Variants in SPATA17 observed in about 807,000 individuals in gnomAD.
SPATA17 encodes spermatogenesis associated 17.
SPATA17 carries 53 observed loss-of-function variants against 62.2 expected under a neutral mutation model. The ratio of observed to expected loss-of-function variants is 0.85; its 90% CI spans 0.68 to 1.07. The LOEUF (loss-of-function observed/expected upper bound fraction) is 1.07. Ranked by LOEUF, SPATA17 falls within the 50% of genes least tolerant of loss-of-function variation. The pLI is 0.00. For missense variants in SPATA17, 466 were observed against 425.5 expected, an observed-to-expected ratio of 1.10 and a Z score of -0.84; for synonymous variants, 146 against 146.8, an observed-to-expected ratio of 0.99 and a Z score of 0.04.
intron 9 of SPATA17, among the ~76,000 whole-genome samples, chr1:217,808,138 A>C (rs1392400499): frequency 6.6e-6 from 1 of 152,166 alleles, no homozygotes; most frequent in Non-Finnish European, 1.5e-5. Context: ...AAATATGGGA[A>C]GATACATTCA....
chr1:217,746,846 ATATTAAAACACCTTTTGTATATGTT>A (rs1386921176), intron 6 of SPATA17, among the ~76,000 whole-genome samples: 1 of 152,052 alleles, frequency 6.6e-6, no homozygotes, highest in Non-Finnish European at 1.5e-5. Flanking sequence ...AGTTCAAGTC[ATATTAAAACACCTTTTGTATATGTT>A]TATTTCAATC....
At chr1:217,825,483 G>A (rs1214904777) in intron 9 of SPATA17, among the ~76,000 whole-genome samples, 6 of 151,756 alleles carry the variant, frequency 4.0e-5, no homozygotes, top group Non-Finnish European at 8.8e-5. Flanking sequence ...TTCTACACAT[G>A]AATTTGCCAC....
intron 9 of SPATA17, among the ~76,000 whole-genome samples, chr1:217,860,240 A>G (rs1414178672): frequency 1.3e-5 from 2 of 152,154 alleles, no homozygotes; most frequent in Non-Finnish European, 2.9e-5. Context: ...TTTCTAATTT[A>G]ATTCCACTGT....
At chr1:217,756,820 G>C (rs1435151515) in intron 6 of SPATA17, among the ~76,000 whole-genome samples, 1 of 152,146 alleles carries the variant, frequency 6.6e-6, no homozygotes, top group Non-Finnish European at 1.5e-5. Context: ...CATCTACTTA[G>C]TATTTTCATC....
At chr1:217,748,567 AC>A (rs879365339) in intron 6 of SPATA17, among the ~76,000 whole-genome samples, 2 of 151,542 alleles carry the variant, frequency 1.3e-5, no homozygotes, top group South Asian at 2.1e-4. Context: ...ACATGGTGAA[AC>A]CCCGTCTCTA....
intron 9 of SPATA17, among the ~76,000 whole-genome samples, chr1:217,841,467 A>G (rs1459501140): frequency 6.6e-6 from 1 of 151,994 alleles, no homozygotes; most frequent in Non-Finnish European, 1.5e-5. Flanking sequence ...TGCATGACAT[A>G]TATATTATTC....
chr1:217,855,727 C>CTTT (rs1227869263), intron 9 of SPATA17, among the ~76,000 whole-genome samples: 4 of 30,426 alleles, frequency 1.3e-4, no homozygotes, highest in Admixed American at 5.7e-4. Context: ...ACAGAAGGAA[C>CTTT]TATTTTTTTT....
At chr1:217,746,391 T>C (rs1672751554) in intron 6 of SPATA17, among the ~76,000 whole-genome samples, 2 of 151,760 alleles carry the variant, frequency 1.3e-5, no homozygotes, top group Non-Finnish European at 3.0e-5. Flanking sequence ...GGAATGATGT[T>C]AGTATGGTTT....
At chr1:217,732,827 G>T (rs1032606437) in intron 5 of SPATA17, among the ~76,000 whole-genome samples, 1 of 151,942 alleles carries the variant, frequency 6.6e-6, no homozygotes, top group African/African-American at 2.4e-5. Flanking sequence ...TATTATTATT[G>T]CTATTATTGT....
intron 5 of SPATA17, among the ~76,000 whole-genome samples, chr1:217,703,058 T>C (rs1194585675): frequency 6.6e-6 from 1 of 151,974 alleles, no homozygotes; most frequent in Non-Finnish European, 1.5e-5. Flanking sequence ...GTATTTTTAG[T>C]AGAAACGGGG....
chr1:217,804,098 C>T (rs1159837243), intron 9 of SPATA17, among the ~76,000 whole-genome samples: 9 of 151,808 alleles, frequency 5.9e-5, no homozygotes, highest in Admixed American at 5.9e-4. Flanking sequence ...ACAGCCAAAG[C>T]AATCTTGAGC....
chr1:217,659,863 G>T (rs559155110), intron 3 of SPATA17, among the ~76,000 whole-genome samples: 1 of 152,144 alleles, frequency 6.6e-6, no homozygotes, highest in East Asian at 1.9e-4. Context: ...AAAGCCTCTT[G>T]ATTCCAAACT....
chr1:217,782,026 C>T, intron 7 of SPATA17, 148 bp from the exon 8 acceptor site: 2 of 640,464 alleles, frequency 3.1e-6, no homozygotes, highest in South Asian at 1.0e-4. Context: ...TTATGTCATG[C>T]ATATTCTAAC....
intron 9 of SPATA17, among the ~76,000 whole-genome samples, chr1:217,844,335 A>G (rs1675477181): frequency 6.6e-6 from 1 of 152,118 alleles, no homozygotes; most frequent in African/African-American, 2.4e-5. Flanking sequence ...GGAAGATGTT[A>G]CAGGATTGCC....
chr1:217,631,528 G>A lies in SPATA17; in HGVS notation c.68+82G>A. 2.2e-6 allele frequency: 3 copies of A among 1,390,052 alleles called. No individual in the cohort carries two copies. In the South Asian group the frequency reaches 3.5e-5, roughly 16 times the overall value. The allele number at this position is 1,390,052 out of a possible 1,614,324, so 86.1% of individuals were successfully genotyped here. A position where few individuals can be genotyped will look rare whatever the true frequency, so the allele number is the denominator to read the frequency against. ...TCCTCAGCGGGAGTTTCCAATTAAC[G>A]ATTTAACGATTACCCTAATTCATTA... On this transcript the variant is annotated intron_variant, in intron 1 of 10. Transcript: ENST00000366933.
intron 6 of SPATA17, among the ~76,000 whole-genome samples, chr1:217,770,591 C>T (rs1673414201): frequency 1.3e-5 from 2 of 152,062 alleles, no homozygotes; most frequent in Non-Finnish European, 2.9e-5. Flanking sequence ...TATAGCTTCC[C>T]CCAGGCAATT....
At chr1:217,700,957 GTT>G (rs199550807) in intron 5 of SPATA17, among the ~76,000 whole-genome samples, 1,542 of 150,850 alleles carry the variant, frequency 0.01, 27 homozygotes, top group African/African-American at 0.036. Context: ...ATATCTTTGT[GTT>G]TTCTGTATTA....
chr1:217,860,292 T>G, intron 9 of SPATA17, among the ~76,000 whole-genome samples: 1 of 152,132 alleles, frequency 6.6e-6, no homozygotes, highest in East Asian at 1.9e-4. Flanking sequence ...TCTTTTAAAT[T>G]TGTTAAGTTG....
At chr1:217,768,680 G>A (rs557445626) in intron 6 of SPATA17, among the ~76,000 whole-genome samples, 2 of 152,072 alleles carry the variant, frequency 1.3e-5, no homozygotes, top group South Asian at 4.2e-4. Context: ...TTTTGGTAGA[G>A]ATGGGGTTTC....
Sources: gnomAD v4.1 joint callset for allele counts (sites outside exome capture counted in the v4.1 genomes callset) on GRCh38, gnomAD v4.1.1 for gene constraint, MANE v1.5 for transcripts, NCBI Gene and HGNC (gene_info 2026-07-23, HGNC 2026-07-21) for gene names.